Variants in HSD17B2 observed in about 807,000 individuals in gnomAD.
The protein encoded by HSD17B2 is hydroxysteroid 17-beta dehydrogenase 2, also known as 17-beta-hydroxysteroid dehydrogenase type 2.
In HSD17B2, 32 loss-of-function variants were observed where a neutral mutation model predicts 26.9. The observed-to-expected ratio is 1.19, with a 90% CI of 0.90 to 1.60. The LOEUF is 1.60. Ranked by LOEUF, HSD17B2 falls within the 40% of genes most tolerant of loss-of-function variation. The pLI is 0.00. For missense variants in HSD17B2, 613 were observed against 468.6 expected (o/e 1.31, Z -2.85); for synonymous variants, 246 against 186.7 (o/e 1.32, Z -2.59).
chr16:82,093,044 T>C (rs1254590580), intron 4 of HSD17B2: 2 of 151,524 alleles, frequency 1.3e-5, no homozygotes, highest in Non-Finnish European at 2.9e-5. Context: ...CCACTTACCA[T>C]ACATTCTTTA....
chr16:82,054,731 A>T (rs1156624474), intron 1 of HSD17B2, among the ~76,000 whole-genome samples: 1 of 151,916 alleles, frequency 6.6e-6, no homozygotes, highest in Non-Finnish European at 1.5e-5. Context: ...TCCCACTCCC[A>T]CTTCATCTCT....
chr16:82,071,169 C>A (rs761859772), intron 3 of HSD17B2, 42 bp downstream of exon 3: 40 of 1,573,712 alleles, frequency 2.5e-5, no homozygotes, highest in Non-Finnish European at 3.5e-5. Flanking sequence ...GTGCCCATCA[C>A]AAGACATGGC....
chr16:82,060,421 T>C (rs914054733), intron 1 of HSD17B2, among the ~76,000 whole-genome samples: 7 of 152,176 alleles, frequency 4.6e-5, no homozygotes, highest in African/African-American at 1.7e-4. Flanking sequence ...TTCAAGTGCA[T>C]ACCCCATCAG....
intron 3 of HSD17B2, among the ~76,000 whole-genome samples, chr16:82,079,387 A>G (rs1468600930): frequency 6.6e-6 from 1 of 152,004 alleles, no homozygotes; most frequent in East Asian, 1.9e-4. Flanking sequence ...TCAGATGACT[A>G]CCTTTTTGCT....
At chr16:82,087,624 T>C (rs970556427) in intron 3 of HSD17B2, among the ~76,000 whole-genome samples, 2 of 152,234 alleles carry the variant, frequency 1.3e-5, no homozygotes, top group African/African-American at 2.4e-5. Flanking sequence ...ATGTGGTATA[T>C]GATCTACTGT....
chr16:82,079,552 G>T (rs1251888205), intron 3 of HSD17B2, among the ~76,000 whole-genome samples: 1 of 152,150 alleles, frequency 6.6e-6, no homozygotes, highest in Non-Finnish European at 1.5e-5. Flanking sequence ...ATGCAGTCAC[G>T]TTCCAAGATA....
At chr16:82,055,103 T>TG (rs556907170) in intron 1 of HSD17B2, among the ~76,000 whole-genome samples, 10 of 152,176 alleles carry the variant, frequency 6.6e-5, no homozygotes, top group African/African-American at 1.7e-4. Flanking sequence ...AAATGTTCCC[T>TG]GGGGGGGAAC....
At chr16:82,060,605 C>T (rs954824466) in intron 1 of HSD17B2, among the ~76,000 whole-genome samples, 3 of 152,198 alleles carry the variant, frequency 2.0e-5, no homozygotes, top group African/African-American at 7.2e-5. Context: ...AATGAAATGC[C>T]TATTCAGATC....
At chr16:82,077,731 AAAAG>A (rs1027231012) in intron 3 of HSD17B2, among the ~76,000 whole-genome samples, 7 of 151,898 alleles carry the variant, frequency 4.6e-5, no homozygotes, top group East Asian at 3.9e-4. Context: ...ACCCTGTTTC[AAAAG>A]AAAGAAAGAA....
At chr16:82,064,562 T>C (rs570899888) in intron 1 of HSD17B2, among the ~76,000 whole-genome samples, 1 of 152,344 alleles carries the variant, frequency 6.6e-6, no homozygotes, top group South Asian at 2.1e-4. Context: ...ACATTATGTT[T>C]AACCTTTTGA....
chr16:82,043,480 G>C (rs1242783664), intron 1 of HSD17B2, among the ~76,000 whole-genome samples: 1 of 125,006 alleles, frequency 8.0e-6, no homozygotes, highest in Non-Finnish European at 1.5e-5. Context: ...GTCAGGAGAT[G>C]GAGACTATCC....
intron 3 of HSD17B2, among the ~76,000 whole-genome samples, chr16:82,075,885 T>C (rs1178908295): frequency 8.1e-6 from 1 of 123,856 alleles, no homozygotes; most frequent in Non-Finnish European, 1.7e-5. Context: ...ATCATTCTGA[T>C]AGCAAAACCA....
chr16:82,038,663 T>C lies in HSD17B2; in HGVS notation c.265+2974T>C, dbSNP rs187640841. Among the ~76,000 whole-genome samples the C allele has an allele frequency of 2.3e-3, 343 of 152,330 alleles. 2 individuals carry two copies. Among genetic ancestry groups the C allele is most frequent in the African/African-American group, 7.5e-3 (311 of 41,568 alleles). The stretch of plus-strand genomic sequence containing the variant: ...ACTTTGAAGACACACAGGCTTGGGT[T>C]TGAATCCTGCATCTACCTTGCCTTA... On this transcript the variant is annotated intron_variant, in intron 1 of 4. Coordinates refer to ENST00000199936, the MANE Select transcript of HSD17B2 (RefSeq NM_002153.3).
intron 3 of HSD17B2, among the ~76,000 whole-genome samples, chr16:82,074,702 G>T (rs1276411002): frequency 6.6e-6 from 1 of 152,118 alleles, no homozygotes; most frequent in African/African-American, 2.4e-5. Flanking sequence ...ATGTATAAAG[G>T]AAATATTATT....
At chr16:82,069,493 T>C (rs8191154) in intron 2 of HSD17B2, among the ~76,000 whole-genome samples, 2,268 of 152,306 alleles carry the variant, frequency 0.015, 70 homozygotes, top group African/African-American at 0.052. Flanking sequence ...ATGTTGTTTA[T>C]ACTCTCCTCC....
At chr16:82,079,773 C>CA (rs1176237650) in intron 3 of HSD17B2, among the ~76,000 whole-genome samples, 1 of 152,090 alleles carries the variant, frequency 6.6e-6, no homozygotes, top group Non-Finnish European at 1.5e-5. Flanking sequence ...TTAGAAAAGT[C>CA]AAAGTATGTG....
At chr16:82,036,923 G>C (rs982032237) in intron 1 of HSD17B2, among the ~76,000 whole-genome samples, 1 of 152,162 alleles carries the variant, frequency 6.6e-6, no homozygotes, top group Non-Finnish European at 1.5e-5. Flanking sequence ...GTCCTGTTCT[G>C]TTATGAAACC....
chr16:82,036,340 G>C (rs1234772254), intron 1 of HSD17B2, among the ~76,000 whole-genome samples: 1 of 151,204 alleles, frequency 6.6e-6, no homozygotes, highest in Non-Finnish European at 1.5e-5. Context: ...GTGTGTGTGT[G>C]TGTGTGTGTG....
chr16:82,089,236 G>C (rs1894830020), intron 3 of HSD17B2, among the ~76,000 whole-genome samples: 1 of 152,152 alleles, frequency 6.6e-6, no homozygotes, highest in Non-Finnish European at 1.5e-5. Flanking sequence ...ATACCCTTTT[G>C]TGTTTGGCTC....
Sources: gnomAD v4.1 joint callset for allele counts (sites outside exome capture counted in the v4.1 genomes callset) on GRCh38, gnomAD v4.1.1 for gene constraint, MANE v1.5 for transcripts, NCBI Gene and HGNC (gene_info 2026-07-23, HGNC 2026-07-21) for gene names.